Variants in TLE4 observed in about 807,000 individuals in gnomAD.
TLE4 encodes the protein TLE family member 4, transcriptional corepressor.
A neutral mutation model predicts 92.8 loss-of-function variants in TLE4; 8 were observed. The observed-to-expected ratio is 0.09, with a 90% CI of 0.05 to 0.16. The LOEUF is 0.16. Among genes scored for constraint, TLE4 ranks in the 10% least tolerant of loss-of-function variants. The pLI is 1.00. For synonymous variants in TLE4, 371 were observed against 374.1 expected (o/e 0.99, Z 0.10); for missense variants, 675 against 997.6 (o/e 0.68, Z 4.36).
chr9:79,709,375 C>T (rs1045201717), intron 13 of TLE4, among the ~76,000 whole-genome samples: 1 of 152,114 alleles, frequency 6.6e-6, no homozygotes, highest in Non-Finnish European at 1.5e-5. Context: ...TGTAATGACT[C>T]TTTGGTTCTA....
At chr9:79,712,664 T>A (rs1423391533) in intron 14 of TLE4, among the ~76,000 whole-genome samples, 1 of 152,262 alleles carries the variant, frequency 6.6e-6, no homozygotes, top group Non-Finnish European at 1.5e-5. Context: ...GTGTTTATTG[T>A]ATAATTCACA....
chr9:79,648,302 G>A (rs2058417418), intron 6 of TLE4, among the ~76,000 whole-genome samples: 1 of 152,216 alleles, frequency 6.6e-6, no homozygotes, highest in African/African-American at 2.4e-5. Flanking sequence ...GCCTGAGACT[G>A]GTCTCTTCTC....
intron 2 of TLE4, 50 bp downstream of exon 2, chr9:79,573,836 C>T (rs753798988): frequency 1.5e-6 from 2 of 1,369,454 alleles, no homozygotes; most frequent in Non-Finnish European, 2.0e-6. Flanking sequence ...GCTCTTGTCT[C>T]CCCGACAAAT....
At chr9:79,604,921 G>A (rs1338576224) in intron 4 of TLE4, among the ~76,000 whole-genome samples, 1 of 152,054 alleles carries the variant, frequency 6.6e-6, no homozygotes, top group Non-Finnish European at 1.5e-5. Context: ...CTGTGGCTAA[G>A]TATGGAAAAG....
At chr9:79,606,842 T>G (rs1480891295) in intron 4 of TLE4, among the ~76,000 whole-genome samples, 1 of 152,188 alleles carries the variant, frequency 6.6e-6, no homozygotes, top group East Asian at 1.9e-4. Context: ...AACATATGTG[T>G]GCATGTGTCT....
At chr9:79,651,363 G>T (rs1428984937) in intron 6 of TLE4, among the ~76,000 whole-genome samples, 2 of 152,124 alleles carry the variant, frequency 1.3e-5, no homozygotes, top group Non-Finnish European at 2.9e-5. Context: ...AGCAAGGCTT[G>T]CCCACCGCGG....
At chr9:79,658,941 CTAAT>C (rs2060143933) in intron 8 of TLE4, among the ~76,000 whole-genome samples, 1 of 152,134 alleles carries the variant, frequency 6.6e-6, no homozygotes, top group African/African-American at 2.4e-5. Flanking sequence ...GAGAAGTTGT[CTAAT>C]TAAGGGCTGT....
chr9:79,657,337 G>T (rs144313240), intron 8 of TLE4, among the ~76,000 whole-genome samples: 104 of 152,280 alleles, frequency 6.8e-4, no homozygotes, highest in African/African-American at 2.2e-3. Context: ...GTAGGCTAAG[G>T]GGGAGTGTTC....
intron 8 of TLE4, among the ~76,000 whole-genome samples, chr9:79,689,745 G>A (rs939006621): frequency 6.6e-6 from 1 of 152,214 alleles, no homozygotes; most frequent in African/African-American, 2.4e-5. Context: ...GGATGAAGGT[G>A]ACTTGTGCTG....
In TLE4 at chr9:79,649,979, A is replaced by C. The variant is rs573983295; in HGVS notation, c.391-2614A>C. Reference sequence around the variant, plus strand: ...CACACAGGCTGGGATGCAGTAGCACAATCATGGCTCACTGCAGCCATGACC... The same window carrying C: ...CACACAGGCTGGGATGCAGTAGCACCATCATGGCTCACTGCAGCCATGACC... On this transcript the variant is annotated intron_variant, in intron 6 of 19. Transcript: ENST00000376552. 1,629 of 910,406 alleles carry C rather than the reference A, an allele frequency of 1.8e-3. 5 individuals carry two copies. The highest frequency in any genetic ancestry group is 2.2e-3 in the Non-Finnish European group (1,502 of 671,130). 56.4% of individuals were successfully genotyped at this position (910,406 alleles called of 1,614,324 possible). A position where few individuals can be genotyped will look rare whatever the true frequency, so the allele number is the denominator to read the frequency against.
intron 6 of TLE4, chr9:79,649,971 A>G: frequency 1.0e-5 from 10 of 997,564 alleles, no homozygotes; most frequent in Non-Finnish European, 1.3e-5. Context: ...GCTGGGATGC[A>G]GTAGCACAAT....
At chr9:79,609,270 G>A (rs2047817276) in intron 4 of TLE4, among the ~76,000 whole-genome samples, 1 of 152,086 alleles carries the variant, frequency 6.6e-6, no homozygotes, top group Admixed American at 6.6e-5. Context: ...CATCAGTACT[G>A]TAGAGTTAGC....
At chr9:79,660,094 T>C (rs1315657588) in intron 8 of TLE4, among the ~76,000 whole-genome samples, 1 of 152,224 alleles carries the variant, frequency 6.6e-6, no homozygotes, top group Non-Finnish European at 1.5e-5. Context: ...CCATGAAGTA[T>C]TCTTGACACC....
chr9:79,582,608 T>C (rs2132057933), intron 4 of TLE4, among the ~76,000 whole-genome samples: 1 of 152,126 alleles, frequency 6.6e-6, no homozygotes, highest in African/African-American at 2.4e-5. Context: ...AAAATGCATT[T>C]ATAAGTTATT....
At chr9:79,584,244 A>G (rs2040486958) in intron 4 of TLE4, among the ~76,000 whole-genome samples, 1 of 152,232 alleles carries the variant, frequency 6.6e-6, no homozygotes, top group Admixed American at 6.5e-5. Context: ...TGCTACTGGC[A>G]GTCCAAGAGT....
At chr9:79,616,611 T>TA (rs1223152593) in intron 5 of TLE4, among the ~76,000 whole-genome samples, 1 of 152,202 alleles carries the variant, frequency 6.6e-6, no homozygotes, top group Non-Finnish European at 1.5e-5. Flanking sequence ...TTGAACTAGC[T>TA]AAAAATCTAT....
chr9:79,624,753 A>G (rs983545807), intron 5 of TLE4, among the ~76,000 whole-genome samples: 6 of 152,214 alleles, frequency 3.9e-5, no homozygotes, highest in African/African-American at 1.2e-4. Flanking sequence ...TAGTTCATGA[A>G]GTAAGTGTTG....
chr9:79,600,900 A>G (rs2045478528), intron 4 of TLE4, among the ~76,000 whole-genome samples: 1 of 152,168 alleles, frequency 6.6e-6, no homozygotes, highest in Non-Finnish European at 1.5e-5. Context: ...ATGCCGTCGC[A>G]TGAGTAGGCC....
Position 79,678,439 on chromosome 9 carries a change from A to G in TLE4, c.609+24364A>G, listed in dbSNP as rs543614005. Reference sequence around the variant, plus strand: ...CTTTTTTTTTAAATCAGAGAAAAATAATGAATTTATTCTATCAATAATTCT... The same window carrying G: ...CTTTTTTTTTAAATCAGAGAAAAATGATGAATTTATTCTATCAATAATTCT... On this transcript the variant is annotated intron_variant, in intron 8 of 19. Coordinates refer to ENST00000376552, the MANE Select transcript of TLE4 (RefSeq NM_007005.6). Among the ~76,000 whole-genome samples, 7 of 152,170 alleles carry G rather than the reference A, an allele frequency of 4.6e-5. No homozygotes were observed. The East Asian group carries it at 7.7e-4, about 17-fold the overall frequency.
Sources: allele counts gnomAD v4.1 joint callset (sites outside exome capture counted in the v4.1 genomes callset), GRCh38; gene constraint gnomAD v4.1.1; transcripts MANE v1.5; gene names NCBI Gene and HGNC (gene_info 2026-07-23, HGNC 2026-07-21).